The following PTPRD variants were observed in gnomAD, a reference collection of about 807,000 sequenced individuals.
PTPRD encodes the protein protein tyrosine phosphatase receptor type D.
In PTPRD, 34 loss-of-function variants were observed where a neutral mutation model predicts 214.5. The observed-to-expected ratio is 0.16, with a 90% CI of 0.12 to 0.21. The LOEUF (loss-of-function observed/expected upper bound fraction) is 0.21, where lower values mean the gene tolerates loss of function less well. PTPRD is among the 10% of genes least tolerant of loss of function. The pLI is 1.00. For synonymous variants in PTPRD, 1,128 were observed against 845.7 expected (o/e 1.33, Z -5.79); for missense variants, 2,545 against 2,398.7 (o/e 1.06, Z -1.27).
intron 9 of PTPRD, among the ~76,000 whole-genome samples, chr9:9,236,924 A>T (rs915237166): frequency 4.6e-5 from 7 of 152,128 alleles, no homozygotes; most frequent in Non-Finnish European, 8.8e-5. Flanking sequence ...GGATCTTGAA[A>T]AGGCTGCACC....
intron 5 of PTPRD, among the ~76,000 whole-genome samples, chr9:9,807,890 C>A (rs370332573): frequency 6.6e-6 from 1 of 152,102 alleles, no homozygotes; most frequent in Admixed American, 6.5e-5. Flanking sequence ...GATGTTTGTT[C>A]TGATTAGAAA....
chr9:9,182,155 A>G (rs1034557219), intron 10 of PTPRD, among the ~76,000 whole-genome samples: 10 of 152,000 alleles, frequency 6.6e-5, no homozygotes, highest in Non-Finnish European at 1.3e-4. Context: ...CCTGAAATAA[A>G]TTTACTACAA....
intron 3 of PTPRD, among the ~76,000 whole-genome samples, chr9:10,204,358 G>C (rs2099454857): frequency 6.6e-6 from 1 of 152,102 alleles, no homozygotes. Context: ...CTAGAGAATA[G>C]CTTTACTGAT....
At chr9:8,602,962 T>G (rs1474441793) in intron 14 of PTPRD, among the ~76,000 whole-genome samples, 1 of 152,174 alleles carries the variant, frequency 6.6e-6, no homozygotes, top group African/African-American at 2.4e-5. Context: ...GAATTAGTCT[T>G]CCTTAGACTG....
intron 8 of PTPRD, among the ~76,000 whole-genome samples, chr9:9,442,585 C>G (rs979346503): frequency 1.3e-5 from 2 of 152,102 alleles, no homozygotes; most frequent in Non-Finnish European, 2.9e-5. Context: ...GTCAAGTTCT[C>G]TGGGGTACAG....
intron 5 of PTPRD, among the ~76,000 whole-genome samples, chr9:9,882,142 T>C (rs10978061): frequency 0.043 from 6,514 of 152,236 alleles, 257 homozygotes; most frequent in African/African-American, 0.1. Flanking sequence ...TATTTATTGG[T>C]ATAACACATA....
intron 11 of PTPRD, among the ~76,000 whole-genome samples, chr9:8,986,391 A>G (rs996055585): frequency 4.6e-5 from 7 of 152,026 alleles, no homozygotes; most frequent in Non-Finnish European, 7.4e-5. Context: ...ATACAAATCA[A>G]GAGTTAACAG....
rs144694750 is a variant in PTPRD, at chr9:8,927,519, T to A, written c.-104+91178A>T. Among the ~76,000 whole-genome samples the A allele has an allele frequency of 3.2e-3, 482 of 152,266 alleles. 4 individuals are homozygous for A. The highest frequency in any genetic ancestry group is 0.011 in the African/African-American group (461 of 41,548). On this transcript the variant is annotated intron_variant, in intron 11 of 45. Transcript: ENST00000381196. Reference sequence around the variant, plus strand: ...TGATGGTTTCCAGCTTCATCCATGTTCCTGCAAAGAACATGAGCTCATCCT... The same window carrying A: ...TGATGGTTTCCAGCTTCATCCATGTACCTGCAAAGAACATGAGCTCATCCT...
intron 11 of PTPRD, among the ~76,000 whole-genome samples, chr9:8,828,834 C>G (rs2154529001): frequency 6.6e-6 from 1 of 152,308 alleles, no homozygotes; most frequent in South Asian, 2.1e-4. Context: ...AAATTCTCCT[C>G]TCCATGTAAA....
chr9:8,701,425 G>C (rs559420334), intron 12 of PTPRD: 1 of 151,974 alleles, frequency 6.6e-6, no homozygotes. Flanking sequence ...ACTTGAGGTC[G>C]GGAGCTCGAA....
intron 4 of PTPRD, among the ~76,000 whole-genome samples, chr9:10,027,063 G>A (rs2096936846): frequency 6.6e-6 from 1 of 152,042 alleles, no homozygotes; most frequent in African/African-American, 2.4e-5. Flanking sequence ...TAAATAAAAA[G>A]GGGCAATTCT....
At chr9:8,600,719 C>T (rs186355480) in intron 14 of PTPRD, among the ~76,000 whole-genome samples, 7 of 151,904 alleles carry the variant, frequency 4.6e-5, no homozygotes, top group Admixed American at 4.6e-4. Context: ...CCAGACCCTA[C>T]TGACTAAAGA....
At chr9:8,686,702 C>T (rs1179017135) in intron 12 of PTPRD, among the ~76,000 whole-genome samples, 3 of 152,018 alleles carry the variant, frequency 2.0e-5, no homozygotes, top group Non-Finnish European at 4.4e-5. Context: ...AGCCACCATC[C>T]AAGTAGAAGG....
chr9:10,281,286 T>C (rs1057310184), intron 3 of PTPRD, among the ~76,000 whole-genome samples: 1 of 152,114 alleles, frequency 6.6e-6, no homozygotes, highest in Non-Finnish European at 1.5e-5. Flanking sequence ...CTAAGCATAA[T>C]GTAGATACCA....
At chr9:9,148,180 GA>G (rs1159371403) in intron 10 of PTPRD, among the ~76,000 whole-genome samples, 3 of 151,036 alleles carry the variant, frequency 2.0e-5, no homozygotes, top group South Asian at 2.1e-4. Context: ...TTTTGCTAGA[GA>G]AAAAAAAATT....
chr9:8,905,039 G>A (rs916235268), intron 11 of PTPRD, among the ~76,000 whole-genome samples: 8 of 152,098 alleles, frequency 5.3e-5, no homozygotes, highest in Non-Finnish European at 1.0e-4. Flanking sequence ...AGATTTAAAT[G>A]ACACAAATGA....
At chr9:9,427,987 G>A (rs573870332) in intron 8 of PTPRD, among the ~76,000 whole-genome samples, 16 of 152,260 alleles carry the variant, frequency 1.1e-4, no homozygotes, top group Non-Finnish European at 2.4e-4. Flanking sequence ...ATCAATGCTA[G>A]GAAGAAACTG....
At chr9:8,325,351 C>A (rs1047501753) in intron 44 of PTPRD, among the ~76,000 whole-genome samples, 7 of 149,086 alleles carry the variant, frequency 4.7e-5, no homozygotes, top group African/African-American at 1.7e-4. Flanking sequence ...AATAGAGGAG[C>A]CTTTCCCCAT....
intron 3 of PTPRD, among the ~76,000 whole-genome samples, chr9:10,239,021 T>A (rs2099638134): frequency 6.6e-6 from 1 of 151,932 alleles, no homozygotes; most frequent in South Asian, 2.1e-4. Context: ...AATATCCTAT[T>A]GGGCAACAAG....
Sources: gnomAD v4.1 joint callset for allele counts (sites outside exome capture counted in the v4.1 genomes callset) on GRCh38, gnomAD v4.1.1 for gene constraint, MANE v1.5 for transcripts, NCBI Gene and HGNC (gene_info 2026-07-23, HGNC 2026-07-21) for gene names.